The following LIN52 variants were observed in gnomAD, a reference collection of about 807,000 sequenced individuals.
LIN52 encodes protein lin-52 homolog.
A neutral mutation model predicts 18.5 loss-of-function variants in LIN52; 4 were observed. The ratio of observed to expected loss-of-function variants is 0.22; its 90% CI spans 0.11 to 0.49. The LOEUF (loss-of-function observed/expected upper bound fraction) is 0.49. Among genes scored for constraint, LIN52 ranks in the 20% least tolerant of loss-of-function variants. The pLI is 0.97. For synonymous variants in LIN52, 34 were observed against 45.5 expected (o/e 0.75, Z 1.02); for missense variants, 102 against 139.5 (o/e 0.73, Z 1.35).
intron 5 of LIN52, among the ~76,000 whole-genome samples, chr14:74,105,057 A>T (rs1001399450): frequency 6.6e-6 from 1 of 152,126 alleles, no homozygotes; most frequent in African/African-American, 2.4e-5. Flanking sequence ...TACTGGCATG[A>T]TGGGATAAAT....
intron 5 of LIN52, among the ~76,000 whole-genome samples, chr14:74,177,589 G>A (rs1230358235): frequency 6.6e-6 from 1 of 151,984 alleles, no homozygotes; most frequent in Non-Finnish European, 1.5e-5. Context: ...AGCCCTTTTT[G>A]TTTTCATCAG....
chr14:74,181,754 A>T (rs1235682916), intron 5 of LIN52, among the ~76,000 whole-genome samples: 1 of 152,182 alleles, frequency 6.6e-6, no homozygotes, highest in Non-Finnish European at 1.5e-5. Context: ...TTATTCAGAA[A>T]CATCAATATC....
chr14:74,198,708 C>T (rs1246431181), intron 5 of LIN52, among the ~76,000 whole-genome samples: 3 of 152,198 alleles, frequency 2.0e-5, no homozygotes, highest in Non-Finnish European at 4.4e-5. Flanking sequence ...GCATGTATCT[C>T]AATTGCCAAC....
chr14:74,195,825 T>G (rs543893846), intron 5 of LIN52, among the ~76,000 whole-genome samples: 1 of 152,298 alleles, frequency 6.6e-6, no homozygotes, highest in South Asian at 2.1e-4. Context: ...ATCTTCGCCC[T>G]GCAGCAGAGC....
chr14:74,110,567 G>A (rs879813251), intron 5 of LIN52, among the ~76,000 whole-genome samples: 10 of 152,260 alleles, frequency 6.6e-5, no homozygotes, highest in African/African-American at 1.4e-4. Flanking sequence ...GTACTCAGGA[G>A]GCTGAGGCAG....
At chr14:74,176,238 C>G (rs898287990) in intron 5 of LIN52, among the ~76,000 whole-genome samples, 5 of 152,216 alleles carry the variant, frequency 3.3e-5, no homozygotes, top group African/African-American at 1.2e-4. Context: ...TCTCGGCTCA[C>G]TGAAACTTCC....
chr14:74,164,141 C>T (rs997497584), intron 5 of LIN52, among the ~76,000 whole-genome samples: 3 of 152,014 alleles, frequency 2.0e-5, no homozygotes, highest in Non-Finnish European at 4.4e-5. Flanking sequence ...GCCACCATGC[C>T]CGGCTAATTT....
At chr14:74,170,716 TATAAAG>T (rs2061266360) in intron 5 of LIN52, among the ~76,000 whole-genome samples, 2 of 152,030 alleles carry the variant, frequency 1.3e-5, no homozygotes, top group Admixed American at 1.3e-4. Context: ...CAGTAGAAAC[TATAAAG>T]ATAGATATAA....
intron 5 of LIN52, among the ~76,000 whole-genome samples, chr14:74,154,599 G>C (rs982516962): frequency 2.6e-5 from 4 of 152,076 alleles, no homozygotes; most frequent in African/African-American, 9.7e-5. Flanking sequence ...TGCACCTATT[G>C]GGGCAGTTGG....
intron 5 of LIN52, among the ~76,000 whole-genome samples, chr14:74,143,102 A>G (rs1042725918): frequency 6.6e-6 from 1 of 151,970 alleles, no homozygotes; most frequent in African/African-American, 2.4e-5. Context: ...GACAAGCGGG[A>G]TGTGCATTTG....
chr14:74,151,527 A>G (rs891306286), intron 5 of LIN52, among the ~76,000 whole-genome samples: 1 of 152,230 alleles, frequency 6.6e-6, no homozygotes, highest in South Asian at 2.1e-4. Context: ...GTGATTGACC[A>G]GTCTGTTTTT....
intron 5 of LIN52, among the ~76,000 whole-genome samples, chr14:74,111,034 T>A (rs1341686143): frequency 1.3e-5 from 2 of 152,192 alleles, no homozygotes; most frequent in Non-Finnish European, 1.5e-5. Flanking sequence ...TCTACATTGA[T>A]GAAGTTATCT....
intron 5 of LIN52, among the ~76,000 whole-genome samples, chr14:74,184,411 A>G (rs12434078): frequency 0.49 from 74,698 of 152,160 alleles, 18,974 homozygotes; most frequent in Non-Finnish European, 0.53. Context: ...GATGTCATTT[A>G]ACATGTTCTT....
intron 5 of LIN52, among the ~76,000 whole-genome samples, chr14:74,139,419 T>A (rs1475088948): frequency 2.0e-5 from 3 of 152,256 alleles, no homozygotes; most frequent in Admixed American, 1.3e-4. Flanking sequence ...TTAGTGATTT[T>A]ACAGGTGCAT....
At chr14:74,171,797 G>C in intron 5 of LIN52, among the ~76,000 whole-genome samples, 1 of 132,828 alleles carries the variant, frequency 7.5e-6, no homozygotes. Context: ...GGAGAGCAAT[G>C]GTGCGATCTT....
chr14:74,134,901 T>A (rs965515798), intron 5 of LIN52, among the ~76,000 whole-genome samples: 3 of 152,238 alleles, frequency 2.0e-5, no homozygotes, highest in African/African-American at 7.2e-5. Context: ...TTCTTCCTTA[T>A]AGTAATTTTG....
chr14:74,125,910 G>T, intron 5 of LIN52, among the ~76,000 whole-genome samples: 2 of 109,716 alleles, frequency 1.8e-5, no homozygotes, highest in African/African-American at 3.5e-5. Flanking sequence ...AGGGGGGAGG[G>T]ATAGTATTAG....
At chr14:74,148,348 A>G (rs1171431734) in intron 5 of LIN52, among the ~76,000 whole-genome samples, 1 of 152,168 alleles carries the variant, frequency 6.6e-6, no homozygotes, top group Non-Finnish European at 1.5e-5. Context: ...ATGTAAACCA[A>G]TGTGCTAGAC....
intron 5 of LIN52, among the ~76,000 whole-genome samples, chr14:74,177,180 T>C (rs1263589510): frequency 2.0e-5 from 3 of 152,100 alleles, no homozygotes; most frequent in African/African-American, 7.2e-5. Flanking sequence ...GTATCTTTAG[T>C]AGGGATGGGG....
Sources: gnomAD v4.1 joint callset for allele counts (sites outside exome capture counted in the v4.1 genomes callset) on GRCh38, gnomAD v4.1.1 for gene constraint, MANE v1.5 for transcripts, NCBI Gene and HGNC (gene_info 2026-07-23, HGNC 2026-07-21) for gene names.